The following C12orf42 variants were observed in gnomAD, a reference collection of about 807,000 sequenced individuals.
The protein encoded by C12orf42 is uncharacterized protein C12orf42.
C12orf42 carries 25 observed loss-of-function variants against 21.6 expected under a neutral mutation model. The ratio of observed to expected loss-of-function variants is 1.16; its 90% CI spans 0.84 to 1.62. The LOEUF is 1.62. Ranked by LOEUF, C12orf42 falls within the 40% of genes most tolerant of loss-of-function variation. The probability of loss-of-function intolerance (pLI) is 0.00; values close to 1 mark genes in which losing one functional copy is unlikely to be tolerated. For missense variants in C12orf42, 483 were observed against 459.3 expected (o/e 1.05, Z -0.47); for synonymous variants, 174 against 175.0 (o/e 0.99, Z 0.05).
At chr12:103,261,256 A>G (rs2034885092) in intron 10 of C12orf42, among the ~76,000 whole-genome samples, 1 of 152,036 alleles carries the variant, frequency 6.6e-6, no homozygotes, top group Non-Finnish European at 1.5e-5. Context: ...GGATCCCTTG[A>G]GTGCAGGAGT....
At chr12:103,545,919 T>C in the C12orf42 span, among the ~76,000 whole-genome samples, 1 of 152,238 alleles carries the variant, frequency 6.6e-6, no homozygotes, top group Non-Finnish European at 1.5e-5. Context: ...TGAACTTCAC[T>C]ATGGCTCAGA....
At chr12:103,397,647 A>G (rs2138609901) in intron 3 of C12orf42, 1 of 152,304 alleles carries the variant, frequency 6.6e-6, no homozygotes, top group South Asian at 2.1e-4. Context: ...AATGTTGGGG[A>G]CAACTGCTTT....
chr12:103,412,191 C>T (rs2048901820), intron 2 of C12orf42, among the ~76,000 whole-genome samples: 1 of 152,180 alleles, frequency 6.6e-6, no homozygotes, highest in Admixed American at 6.5e-5. Context: ...GGAATCAGCA[C>T]AAGTAAAATG....
chr12:103,055,623 A>G, the C12orf42 span, among the ~76,000 whole-genome samples: 3 of 151,688 alleles, frequency 2.0e-5, no homozygotes, highest in African/African-American at 7.3e-5. Context: ...TTCTTTCTAT[A>G]GATTCTTTAG....
chr12:103,470,668 C>T (rs1279683060), intron 2 of C12orf42, among the ~76,000 whole-genome samples: 6 of 152,264 alleles, frequency 3.9e-5, no homozygotes, highest in Admixed American at 3.9e-4. Context: ...TGATAAAAGG[C>T]AATGCATCTT....
downstream of C12orf42, among the ~76,000 whole-genome samples, chr12:103,235,646 T>C (rs1482895308): frequency 2.6e-5 from 4 of 152,144 alleles, no homozygotes; most frequent in South Asian, 2.1e-4. Flanking sequence ...AACTTATTCA[T>C]CTCTAAGTGG....
At chr12:103,315,445 G>T (rs2039371758) in intron 4 of C12orf42, among the ~76,000 whole-genome samples, 1 of 152,060 alleles carries the variant, frequency 6.6e-6, no homozygotes, top group Non-Finnish European at 1.5e-5. Context: ...GCCTTCAATG[G>T]GTTCATCTGT....
chr12:103,143,482 C>G, the C12orf42 span, among the ~76,000 whole-genome samples: 1 of 152,184 alleles, frequency 6.6e-6, no homozygotes, highest in Admixed American at 6.5e-5. Flanking sequence ...TCTAGCAACC[C>G]AGGACTGTAG....
the C12orf42 span, among the ~76,000 whole-genome samples, chr12:103,197,917 G>A: frequency 6.6e-6 from 1 of 152,176 alleles, no homozygotes; most frequent in Non-Finnish European, 1.5e-5. Context: ...GCCCCTTAAG[G>A]TTGAGCACCT....
the C12orf42 span, among the ~76,000 whole-genome samples, chr12:103,543,883 T>G: frequency 1.9e-4 from 21 of 110,840 alleles, no homozygotes; most frequent in African/African-American, 8.1e-4. Flanking sequence ...TTTTTGGGTT[T>G]TTTTTTTGTT....
chr12:103,494,439 C>A (rs1311696373), intron 1 of C12orf42, among the ~76,000 whole-genome samples: 3 of 152,170 alleles, frequency 2.0e-5, no homozygotes, highest in Non-Finnish European at 4.4e-5. Flanking sequence ...TCACTAGTCT[C>A]TTTTTCTCTT....
At chr12:103,535,281 C>G in the C12orf42 span, among the ~76,000 whole-genome samples, 275 of 152,044 alleles carry the variant, frequency 1.8e-3, no homozygotes, top group Non-Finnish European at 3.3e-3. Flanking sequence ...ATGGTAGGCC[C>G]ATTCAGGGAA....
chr12:103,088,955 C>T, the C12orf42 span, among the ~76,000 whole-genome samples: 15 of 151,610 alleles, frequency 9.9e-5, no homozygotes, highest in Non-Finnish European at 1.8e-4. Flanking sequence ...TACAAAAAAT[C>T]AGCCGGGCGT....
At chr12:103,225,040 G>A in the C12orf42 span, among the ~76,000 whole-genome samples, 2 of 152,190 alleles carry the variant, frequency 1.3e-5, no homozygotes, top group Admixed American at 1.3e-4. Context: ...TGTCTATGAA[G>A]CCTTGCGGCA....
At chr12:103,067,212 T>TA in the C12orf42 span, among the ~76,000 whole-genome samples, 1 of 152,208 alleles carries the variant, frequency 6.6e-6, no homozygotes, top group Non-Finnish European at 1.5e-5. Context: ...GATATGGGTT[T>TA]GCCTATCCTG....
intron 1 of C12orf42, among the ~76,000 whole-genome samples, chr12:103,481,386 C>T (rs1224682557): frequency 1.3e-5 from 2 of 151,880 alleles, no homozygotes; most frequent in Non-Finnish European, 2.9e-5. Context: ...CAGGAAAAGT[C>T]TTAAATGATC....
intron 2 of C12orf42, among the ~76,000 whole-genome samples, chr12:103,432,101 A>G (rs1052815011): frequency 2.0e-5 from 3 of 152,146 alleles, no homozygotes; most frequent in Non-Finnish European, 4.4e-5. Flanking sequence ...TGGGCTGTCC[A>G]CATGTGTAGT....
At chr12:103,148,707 C>T in the C12orf42 span, among the ~76,000 whole-genome samples, 2 of 152,114 alleles carry the variant, frequency 1.3e-5, no homozygotes, top group African/African-American at 4.8e-5. Context: ...TTAATTGTCT[C>T]TATAATGTAA....
chr12:103,531,984 T>C, the C12orf42 span, among the ~76,000 whole-genome samples: 1,999 of 152,346 alleles, frequency 0.013, 52 homozygotes, highest in African/African-American at 0.042. Flanking sequence ...TCTGCTGCAA[T>C]GGCCTATCTG....
Sources: gnomAD v4.1 joint callset for allele counts (sites outside exome capture counted in the v4.1 genomes callset) on GRCh38, gnomAD v4.1.1 for gene constraint, MANE v1.5 for transcripts, NCBI Gene and HGNC (gene_info 2026-07-23, HGNC 2026-07-21) for gene names.